Variants in LSS observed in about 807,000 individuals in gnomAD.
The protein encoded by LSS is 2,3-epoxysqualene-lanosterol cyclase.
Under a neutral mutation model 110.3 loss-of-function variants are expected in LSS, and 90 were observed. The ratio of observed to expected loss-of-function variants is 0.82; its 90% CI spans 0.69 to 0.97. LSS has a LOEUF of 0.97. Ranked by LOEUF, LSS falls within the 50% of genes least tolerant of loss-of-function variation. The pLI, the probability that LSS is intolerant of heterozygous loss-of-function variation, is 0.00. For synonymous variants in LSS, 433 were observed against 400.0 expected (o/e 1.08, Z -0.98); for missense variants, 927 against 990.0 (o/e 0.94, Z 0.85).
At position 46,191,105 on chromosome 21, in the gene LSS, CAG is replaced by C; in HGVS notation, c.2196_2197del (p.Ter733ArgfsTer41). On this transcript the variant is annotated frameshift_variant and stop_lost, in exon 22 of 22. Coordinates refer to ENST00000397728, the MANE Select transcript of LSS (RefSeq NM_002340.6). LOFTEE classifies it high-confidence loss of function. Reference sequence around the variant, plus strand: ...GGCACCCAGCAGGTAGGCATGTTCTCAGGGGTGGCCAGCAAGGGCTCTCTCAG... The same window carrying C: ...GGCACCCAGCAGGTAGGCATGTTCTCGGGTGGCCAGCAAGGGCTCTCTCAG... 6.2e-7 allele frequency: 1 copy of C among 1,614,076 alleles called. No homozygotes were observed.
At chr21:46,202,896 G>C (rs2079997810) in intron 17 of LSS, among the ~76,000 whole-genome samples, 1 of 152,148 alleles carries the variant, frequency 6.6e-6, no homozygotes, top group Non-Finnish European at 1.5e-5. Flanking sequence ...AACAAAAAAA[G>C]AATGTTCTAG....
chr21:46,215,894 G>GGC, intron 7 of LSS, 101 bp from the exon 8 acceptor site: 1 of 742,994 alleles, frequency 1.3e-6, no homozygotes, highest in South Asian at 1.8e-5. Context: ...CAGGGCCCTG[G>GGC]GCCAGTCCCT....
chr21:46,209,768 G>A lies in LSS; in HGVS notation c.1195-143C>T. On this transcript the variant is annotated intron_variant, in intron 12 of 21. Coordinates refer to ENST00000397728, the MANE Select transcript of LSS (RefSeq NM_002340.6). This position sits in a 1 kb window ranked among gnomAD's most constrained non-coding sequence, Gnocchi z 4.4. ...GCAGACATCTCCAGAGAGTGCCAGG[G>A]TCTCCTGCTGCACTTACCTTTAAAG... 1.5e-6 allele frequency: 1 copy of A among 656,728 alleles called. No individual in the cohort carries two copies. Among genetic ancestry groups the A allele is most frequent in the East Asian group, 2.8e-5 (1 of 35,776 alleles). The allele number at this position is 656,728 out of a possible 1,614,324, so 40.7% of individuals were successfully genotyped here.
chr21:46,222,574 C>T (rs2080290924), intron 4 of LSS, 56 bp downstream of exon 4: 3 of 1,498,132 alleles, frequency 2.0e-6, no homozygotes, highest in African/African-American at 1.4e-5. Flanking sequence ...GCATCTCCTA[C>T]ATCATGAGAA....
At chr21:46,223,465 A>G (rs1427469939) in intron 3 of LSS, among the ~76,000 whole-genome samples, 1 of 152,210 alleles carries the variant, frequency 6.6e-6, no homozygotes, top group African/African-American at 2.4e-5. Context: ...GGCTTAGAGC[A>G]TCAGAAGCCC....
At chr21:46,194,379 C>G in intron 20 of LSS, 112 bp downstream of exon 20, 1 of 1,301,968 alleles carries the variant, frequency 7.7e-7, no homozygotes, top group Non-Finnish European at 1.0e-6. Flanking sequence ...GCTGACCTGG[C>G]CCACAGGCCT....
intron 17 of LSS, among the ~76,000 whole-genome samples, chr21:46,203,195 A>G (rs2080001767): frequency 2.0e-5 from 3 of 152,254 alleles, no homozygotes; most frequent in Admixed American, 2.0e-4. Flanking sequence ...GCTCTAGGGA[A>G]TAATAATGGT....
chr21:46,214,634 G>A lies in LSS; in HGVS notation c.1011+546C>T, dbSNP rs565465430. 1.4e-4 allele frequency among the ~76,000 whole-genome samples: 22 copies of A among 152,248 alleles called. No individual in the cohort carries two copies. The South Asian group carries it at 2.9e-3, about 20-fold the overall frequency. On this transcript the variant is annotated intron_variant, in intron 9 of 21. Coordinates refer to ENST00000397728, the MANE Select transcript of LSS (RefSeq NM_002340.6). ...GGGCCTGCTGACTCTGTCAGGAGGC[G>A]GCCACGCACCAGCACAGCCCGGGAA...
intron 4 of LSS, chr21:46,222,383 T>C: frequency 3.6e-6 from 2 of 559,270 alleles, no homozygotes; most frequent in South Asian, 2.3e-5. Context: ...GACTGACAGT[T>C]TTCACATGTG....
rs1239108660 is a variant in LSS, at chr21:46,196,229, T to C, written c.1709A>G (p.Gln570Arg). The C allele has an allele frequency of 2.5e-6, 4 of 1,614,186 alleles. No homozygotes were observed. The South Asian group carries it at 4.4e-5, about 18-fold the overall frequency. Residue 570 changes from glutamine (Q) to arginine (R), a missense_variant, in exon 18 of 22, where the codon CAG becomes CGG. Coordinates refer to ENST00000397728, the MANE Select transcript of LSS (RefSeq NM_002340.6). ...TTCCCAGGAGCCATCGGCCCTCTGCTGCCGCCGACAGAACTCTAAGCCCTG... is the reference window on the plus strand; with the variant it reads ...TTCCCAGGAGCCATCGGCCCTCTGCCGCCGCCGACAGAACTCTAAGCCCTG... Reference protein sequence around the residue: ...LTQGLEFCRRQQRADGSWEGS... With the variant: ...LTQGLEFCRRRQRADGSWEGS...
intron 17 of LSS, among the ~76,000 whole-genome samples, chr21:46,199,425 T>C (rs1164570400): frequency 6.6e-6 from 1 of 152,210 alleles, no homozygotes; most frequent in Non-Finnish European, 1.5e-5. Flanking sequence ...GAAACGCAAA[T>C]GGTGCAGCCA....
At chr21:46,202,639 T>C (rs1219094247) in intron 17 of LSS, among the ~76,000 whole-genome samples, 2 of 152,084 alleles carry the variant, frequency 1.3e-5, no homozygotes, top group Admixed American at 6.5e-5. Context: ...ATCCCAGCAT[T>C]TGGGGAGGCC....
intron 19 of LSS, 137 bp from the exon 20 acceptor site, chr21:46,194,798 A>T: frequency 1.3e-6 from 1 of 764,672 alleles, no homozygotes; most frequent in Non-Finnish European, 2.0e-6. Context: ...GCCATGGGCC[A>T]CTACTGAAAC....
intron 17 of LSS, among the ~76,000 whole-genome samples, chr21:46,199,382 T>G (rs1053586744): frequency 3.9e-5 from 6 of 152,228 alleles, no homozygotes; most frequent in Non-Finnish European, 8.8e-5. Flanking sequence ...CTGGTGAGGA[T>G]GTGGAGCAAC....
chr21:46,201,155 G>C lies in LSS; in HGVS notation c.1670+4681C>G, dbSNP rs578094106. Among the ~76,000 whole-genome samples the C allele has an allele frequency of 2.4e-3, 321 of 133,606 alleles. 13 individuals are homozygous for C. In the South Asian group the frequency reaches 0.046, roughly 19 times the overall value. 87.7% of individuals were successfully genotyped at this position (133,606 alleles called of 152,430 possible). ...GAAGGGTCATGAAGCCCTGAGGGTA[G>C]AGCCTGGATCACGTGGGAGGACAGG... On this transcript the variant is annotated intron_variant, in intron 17 of 21. Transcript: ENST00000397728.
rs1330361598 is a variant in LSS, at chr21:46,195,729, G to A, written c.1764C>T (p.Gly588=). 1 of 1,613,742 alleles carries A rather than the reference G, an allele frequency of 6.2e-7. No individual in the cohort carries two copies. The highest frequency in any genetic ancestry group is 8.5e-7 in the Non-Finnish European group (1 of 1,180,034). ...EGSWGVCFTY[G]TWFGLEAFAC... is the part of the protein sequence containing the mutation. Reference sequence around the variant, plus strand: ...CGAAGGCCTCCAGGCCAAACCAGGTGCCGTAGGTGAAGCAAACTCCCCAGG... The same window carrying A: ...CGAAGGCCTCCAGGCCAAACCAGGTACCGTAGGTGAAGCAAACTCCCCAGG... Residue 588 remains glycine (G), a synonymous_variant, in exon 19 of 22, where the codon GGC becomes GGT. Coordinates refer to ENST00000397728, the MANE Select transcript of LSS (RefSeq NM_002340.6).
At chr21:46,215,920 C>T in intron 7 of LSS, 127 bp from the exon 8 acceptor site, 1 of 627,826 alleles carries the variant, frequency 1.6e-6, no homozygotes. Flanking sequence ...GGTGGGGGTC[C>T]CTCCAGCAAC....
At chr21:46,222,939 C>T (rs1424057723) in intron 3 of LSS, among the ~76,000 whole-genome samples, 1 of 152,228 alleles carries the variant, frequency 6.6e-6, no homozygotes, top group East Asian at 1.9e-4. Context: ...ACAGCACAGG[C>T]GATGCTCCCT....
chr21:46,222,513 C>T, intron 4 of LSS, 117 bp downstream of exon 4: 7 of 857,156 alleles, frequency 8.2e-6, no homozygotes, highest in Non-Finnish European at 1.1e-5. Context: ...ACCCACCCCA[C>T]ACCCACAGCT....
Sources: allele counts gnomAD v4.1 joint callset (sites outside exome capture counted in the v4.1 genomes callset), GRCh38; gene constraint gnomAD v4.1.1; non-coding constraint Gnocchi (gnomAD v3.1); transcripts MANE v1.5; gene names NCBI Gene and HGNC (gene_info 2026-07-23, HGNC 2026-07-21).